MKRN2: variants seen among roughly 807,000 people sequenced by gnomAD.
MKRN2 encodes E3 ubiquitin-protein ligase makorin-2.
A neutral mutation model predicts 45.4 loss-of-function variants in MKRN2; 32 were observed. The ratio of observed to expected loss-of-function variants is 0.70; its 90% CI spans 0.53 to 0.95. The LOEUF is 0.95. Among genes scored for constraint, MKRN2 ranks in the 40% least tolerant of loss-of-function variants. MKRN2 has a pLI of 0.00. For missense variants in MKRN2, 526 were observed against 536.7 expected, an observed-to-expected ratio of 0.98 and a Z score of 0.20; for synonymous variants, 206 against 192.4, an observed-to-expected ratio of 1.07 and a Z score of -0.59.
At chr3:12,582,070 G>T in intron 7 of MKRN2, 46 bp from the exon 8 acceptor site, 1 of 1,612,644 alleles carries the variant, frequency 6.2e-7, no homozygotes, top group Non-Finnish European at 8.5e-7. Flanking sequence ...CAGCCTTCCT[G>T]TTGCTCTTAG....
In MKRN2 at chr3:12,570,200, C is replaced by T. The variant is rs1358933190; in HGVS notation, c.285C>T (p.Asn95=). Residue 95 remains asparagine (N), a synonymous_variant, in exon 3 of 8, where the codon AAC becomes AAT. Coordinates refer to ENST00000170447, the MANE Select transcript of MKRN2 (RefSeq NM_014160.5). ...TCACTGCATCCATTGTGAAAACTAA[C>T]TCACATGAACCCGGAAAGCGTGAAA... The part of the protein sequence containing the change: ...SEVTASIVKT[N]SHEPGKREKR... 5 of 1,614,094 alleles carry T rather than the reference C, an allele frequency of 3.1e-6. No individual in the cohort carries two copies. Among genetic ancestry groups the T allele is most frequent in the African/African-American group, 2.7e-5 (2 of 74,932 alleles).
chr3:12,575,662 T>C (rs2058130131), intron 5 of MKRN2, among the ~76,000 whole-genome samples: 1 of 152,184 alleles, frequency 6.6e-6, no homozygotes, highest in Non-Finnish European at 1.5e-5. Flanking sequence ...AATCGTGTGG[T>C]GAAACAACTG....
At chr3:12,577,005 G>A (rs1241072479) in intron 6 of MKRN2, 1 of 184,028 alleles carries the variant, frequency 5.4e-6, no homozygotes. Context: ...GTGCAGTGGT[G>A]CAATCTCAGC....
intron 1 of MKRN2, among the ~76,000 whole-genome samples, chr3:12,565,775 A>G (rs1370864498): frequency 6.6e-6 from 1 of 152,056 alleles, no homozygotes; most frequent in African/African-American, 2.4e-5. Context: ...CCTGAGCTCA[A>G]GCAATCCACT....
chr3:12,566,373 T>C (rs543267852), intron 1 of MKRN2, among the ~76,000 whole-genome samples: 1 of 152,164 alleles, frequency 6.6e-6, no homozygotes, highest in Admixed American at 6.5e-5. Flanking sequence ...CATTTTTCAG[T>C]TGGGTTTGTT....
rs1334438372 is a variant in MKRN2 at position 12,582,880 on chromosome 3, CA to C, written c.*630del. On this transcript the variant is annotated 3_prime_UTR_variant, in exon 8 of 8. Coordinates refer to ENST00000170447, the MANE Select transcript of MKRN2 (RefSeq NM_014160.5). ...ATCTTGTTGCCACATGTGCAGCAAA[CA>C]AAGTGGAAGTATAGATCTTCTTCTC... 1 of 152,588 alleles carries C rather than the reference CA, an allele frequency of 6.6e-6. No individual in the cohort carries two copies. The highest frequency in any genetic ancestry group is 1.5e-5 in the Non-Finnish European group (1 of 68,384). The allele number at this position is 152,588 out of a possible 1,614,324, so 9.5% of individuals were successfully genotyped here.
Position 12,576,933 on chromosome 3 carries a change from G to GTTTTTGTTTTTTT in MKRN2, c.968+197_968+198insGTTTTTTTTTTTT, listed in dbSNP as rs56380121. 408 of 56,002 alleles carry GTTTTTGTTTTTTT rather than the reference G, an allele frequency of 7.3e-3. 81 individuals are homozygous for GTTTTTGTTTTTTT. Among genetic ancestry groups the GTTTTTGTTTTTTT allele is most frequent in the African/African-American group, 0.017 (131 of 7,900 alleles). 3.5% of individuals were successfully genotyped at this position (56,002 alleles called of 1,614,324 possible). ...TGATGTGGACCTGTTTAGTTTTGGT[G>GTTTTTGTTTTTTT]TTTTTTTTTTTTTTTTTTTTTTTTC... is the stretch of plus-strand genomic sequence containing the variant. On this transcript the variant is annotated intron_variant, in intron 6 of 7. Transcript: ENST00000170447.
chr3:12,569,983 G>A, intron 2 of MKRN2, 88 bp from the exon 3 acceptor site: 1 of 1,287,432 alleles, frequency 7.8e-7, no homozygotes, highest in Non-Finnish European at 1.1e-6. Flanking sequence ...AACAAGTGCA[G>A]CAGAAGGAGG....
intron 1 of MKRN2, 146 bp downstream of exon 1, chr3:12,557,322 G>T: frequency 8.4e-7 from 1 of 1,188,312 alleles, no homozygotes; most frequent in African/African-American, 1.6e-5. Context: ...TTGCGAGGCA[G>T]AGCGAGCGCT....
chr3:12,581,710 C>G, intron 6 of MKRN2, 98 bp from the exon 7 acceptor site: 1 of 1,377,326 alleles, frequency 7.3e-7, no homozygotes, highest in Non-Finnish European at 1.0e-6. Context: ...GCTGACCTAC[C>G]TCTGGCGTAA....
intron 4 of MKRN2, 82 bp downstream of exon 4, chr3:12,572,455 A>G: frequency 1.5e-6 from 2 of 1,301,390 alleles, no homozygotes; most frequent in Admixed American, 3.3e-5. Context: ...ATCCATATAC[A>G]CTCAAGAAAT....
Position 12,570,360 on chromosome 3 carries a change from C to T in MKRN2, c.337+108C>T, listed in dbSNP as rs947219706. The T allele has an allele frequency of 4.5e-6, 5 of 1,113,042 alleles. No homozygotes were observed. The Admixed American group carries it at 1.0e-4, about 23-fold the overall frequency. The allele number at this position is 1,113,042 out of a possible 1,614,324, so 68.9% of individuals were successfully genotyped here. A position where few individuals can be genotyped will look rare whatever the true frequency, so the allele number is the denominator to read the frequency against. ...TCAAGAGGACTCCTAACCTAATACACCTCCAGATTGTCTGCGCGGAGAGAC... is the reference window on the plus strand; with the variant it reads ...TCAAGAGGACTCCTAACCTAATACATCTCCAGATTGTCTGCGCGGAGAGAC... On this transcript the variant is annotated intron_variant, in intron 3 of 7. Coordinates refer to ENST00000170447, the MANE Select transcript of MKRN2 (RefSeq NM_014160.5).
At chr3:12,567,273 CT>C (rs926513776) in intron 1 of MKRN2, among the ~76,000 whole-genome samples, 54 of 141,924 alleles carry the variant, frequency 3.8e-4, no homozygotes, top group Middle Eastern at 3.6e-3. Context: ...CACTAGTTTA[CT>C]TTTTTTTTTT....
At chr3:12,563,480 G>C (rs1162426754) in intron 1 of MKRN2, among the ~76,000 whole-genome samples, 1 of 128,938 alleles carries the variant, frequency 7.8e-6, no homozygotes, top group African/African-American at 2.9e-5. Flanking sequence ...CTGTTGTCTA[G>C]TTCTTTTTTT....
rs2058196055 is a variant in MKRN2 at position 12,582,925 on chromosome 3, A to C, written c.*672A>C. On this transcript the variant is annotated 3_prime_UTR_variant, in exon 8 of 8. Transcript: ENST00000170447. Reference sequence around the variant, plus strand: ...TCTTCTCCCTTAGGGAGGCTCTTGAAGGAGCAGGAGGTACAGTACTGGGTA... The same window carrying C: ...TCTTCTCCCTTAGGGAGGCTCTTGACGGAGCAGGAGGTACAGTACTGGGTA... 6.6e-6 allele frequency: 1 copy of C among 152,448 alleles called. No individual in the cohort carries two copies. The allele number at this position is 152,448 out of a possible 1,614,324, so 9.4% of individuals were successfully genotyped here.
Position 12,582,273 on chromosome 3 carries a change from C to A in MKRN2, c.*20C>A, listed in dbSNP as rs777844482. On this transcript the variant is annotated 3_prime_UTR_variant, in exon 8 of 8. Transcript: ENST00000170447. Reference sequence around the variant, plus strand: ...CCCTAAAGAGTAGATGGTTGCCCTGCATCTTGGGCTCCATCGGCCGAAACT... The same window carrying A: ...CCCTAAAGAGTAGATGGTTGCCCTGAATCTTGGGCTCCATCGGCCGAAACT... 6.2e-7 allele frequency: 1 copy of A among 1,610,646 alleles called. No homozygotes were observed. Among genetic ancestry groups the A allele is most frequent in the Non-Finnish European group, 8.5e-7 (1 of 1,177,178 alleles).
At chr3:12,575,080 T>A in intron 5 of MKRN2, 74 bp downstream of exon 5, 2 of 1,415,972 alleles carry the variant, frequency 1.4e-6, no homozygotes, top group Non-Finnish European at 2.0e-6. Flanking sequence ...CGTCCACTTT[T>A]AAGCCCTCCG....
intron 1 of MKRN2, chr3:12,561,080 C>G (rs2058033257): frequency 1.3e-5 from 2 of 152,194 alleles, no homozygotes; most frequent in Admixed American, 1.3e-4. Flanking sequence ...CTGACTTCAC[C>G]TCTTACATAA....
intron 4 of MKRN2, 107 bp from the exon 5 acceptor site, chr3:12,574,685 G>A (rs1221611407): frequency 1.9e-6 from 2 of 1,058,092 alleles, no homozygotes; most frequent in African/African-American, 1.6e-5. Flanking sequence ...CGCTGTCAGT[G>A]TTCCTTCCTG....
Sources: allele counts gnomAD v4.1 joint callset (sites outside exome capture counted in the v4.1 genomes callset), GRCh38; gene constraint gnomAD v4.1.1; transcripts MANE v1.5; gene names NCBI Gene and HGNC (gene_info 2026-07-23, HGNC 2026-07-21).